SYNE2: variants seen among roughly 807,000 people sequenced by gnomAD.
SYNE2 encodes nesprin-2.
In SYNE2, 431 loss-of-function variants were observed where a neutral mutation model predicts 856.3. The ratio of observed to expected loss-of-function variants is 0.50; its 90% confidence interval spans 0.47 to 0.55. SYNE2 has a LOEUF of 0.55. Among genes scored for constraint, SYNE2 ranks in the 20% least tolerant of loss-of-function variants. SYNE2 has a pLI of 0.00. For missense variants in SYNE2, 8,129 were observed against 8,023.2 expected (o/e 1.01, Z -0.50); for synonymous variants, 2,923 against 2,872.3 (o/e 1.02, Z -0.56).
intron 14 of SYNE2, 58 bp from the exon 15 acceptor site, chr14:63,980,596 T>G: frequency 8.2e-7 from 1 of 1,221,062 alleles, no homozygotes; most frequent in Non-Finnish European, 1.2e-6. Flanking sequence ...ACTATCTGGA[T>G]TTCTTGGCAC....
intron 104 of SYNE2, 33 bp from the exon 105 acceptor site, chr14:64,212,778 C>G (rs755302759): frequency 4.3e-6 from 7 of 1,609,530 alleles, no homozygotes; most frequent in African/African-American, 4.0e-5. Flanking sequence ...GGGTAACTTT[C>G]TTTGAAATCC....
chr14:63,999,671 T>A (rs531308266), intron 27 of SYNE2, among the ~76,000 whole-genome samples: 2 of 152,332 alleles, frequency 1.3e-5, no homozygotes, highest in East Asian at 3.9e-4. Flanking sequence ...ATAATATCTT[T>A]CCTATTAAAG....
chr14:63,960,914 G>A (rs2096305036), intron 8 of SYNE2: 2 of 563,352 alleles, frequency 3.6e-6, no homozygotes, highest in Non-Finnish European at 3.2e-6. Context: ...AGATTTTGTA[G>A]TCTTTAAAAT....
At chr14:63,946,060 C>T (rs2096021429) in intron 6 of SYNE2, among the ~76,000 whole-genome samples, 2 of 152,128 alleles carry the variant, frequency 1.3e-5, no homozygotes, top group South Asian at 4.1e-4. Flanking sequence ...ATCCCTGTTG[C>T]TAATACTTGG....
At chr14:63,784,346 A>T (rs1887433656) in intron 1 of SYNE2, among the ~76,000 whole-genome samples, 1 of 151,822 alleles carries the variant, frequency 6.6e-6, no homozygotes, top group Non-Finnish European at 1.5e-5. Context: ...AAAATACAAA[A>T]ATTAGTTGGG....
At position 64,190,178 on chromosome 14, in the gene SYNE2, T is replaced by TG; in HGVS notation, c.17980dup (p.Asp5994GlyfsTer7). On this transcript the variant is annotated frameshift_variant, in exon 99 of 116. Coordinates refer to ENST00000555002, the MANE Select transcript of SYNE2 (RefSeq NM_182914.3). LOFTEE classifies it high-confidence loss of function. ...ACAAATCAAGAGCAGCTGAGATCGA[T>TG]GACAAGCTCAACAAAATTAACGATC... The TG allele has an allele frequency of 6.2e-7, 1 of 1,614,110 alleles. No homozygotes were observed.
chr14:63,998,074 A>G, intron 25 of SYNE2, 145 bp from the exon 26 acceptor site: 1 of 704,106 alleles, frequency 1.4e-6, no homozygotes, highest in South Asian at 1.6e-5. Context: ...CTTTTCTCTG[A>G]GCTGAGACAT....
chr14:64,125,552 C>T (rs376901823), intron 71 of SYNE2, among the ~76,000 whole-genome samples: 2 of 152,066 alleles, frequency 1.3e-5, no homozygotes, highest in African/African-American at 4.8e-5. Flanking sequence ...AGACTTAATA[C>T]TGAGGTAATT....
intron 1 of SYNE2, among the ~76,000 whole-genome samples, chr14:63,866,087 C>G (rs554685425): frequency 1.1e-4 from 17 of 152,178 alleles, no homozygotes; most frequent in African/African-American, 4.1e-4. Flanking sequence ...CTGATATGTC[C>G]TCAGCCCCCA....
chr14:64,181,088 CTTT>C (rs997274231), intron 96 of SYNE2, among the ~76,000 whole-genome samples: 1 of 151,506 alleles, frequency 6.6e-6, no homozygotes, highest in Non-Finnish European at 1.5e-5. Flanking sequence ...TTTGTTTCTT[CTTT>C]TTAATATACT....
intron 99 of SYNE2, among the ~76,000 whole-genome samples, chr14:64,200,238 T>G (rs1267212995): frequency 6.6e-6 from 1 of 151,978 alleles, no homozygotes. Flanking sequence ...ATTCTTAGGG[T>G]GGAATAGGGT....
At position 64,218,444 on chromosome 14, in the gene SYNE2, C is replaced by G; in HGVS notation, c.19589C>G (p.Pro6530Arg). 4 of 1,614,064 alleles carry G rather than the reference C, an allele frequency of 2.5e-6. No homozygotes were observed. The highest frequency in any genetic ancestry group is 1.3e-5 in the African/African-American group (1 of 75,032). The change falls in exon 109 of 116, where the codon CCG becomes CGG. Residue 6530 changes from proline to arginine, a missense_variant. Coordinates refer to ENST00000555002, the MANE Select transcript of SYNE2 (RefSeq NM_182914.3). ...PPGTDGGKEG[P>R]RVLNGNPQQE... is the part of the protein sequence containing the mutation. Reference sequence around the variant, plus strand: ...GGCACGGATGGTGGCAAAGAAGGCCCGCGAGTCCTGAATGGCAACCCACAG... The same window carrying G: ...GGCACGGATGGTGGCAAAGAAGGCCGGCGAGTCCTGAATGGCAACCCACAG...
At chr14:63,800,620 G>C (rs573753331) in intron 1 of SYNE2, among the ~76,000 whole-genome samples, 1 of 152,132 alleles carries the variant, frequency 6.6e-6, no homozygotes, top group South Asian at 2.1e-4. Flanking sequence ...AAACTAGAAT[G>C]TTTTGTAGCC....
chr14:64,120,760 T>G (rs2097892241), intron 67 of SYNE2, among the ~76,000 whole-genome samples, 167 bp from the exon 68 acceptor site: 1 of 151,948 alleles, frequency 6.6e-6, no homozygotes, highest in Admixed American at 6.6e-5. Context: ...CGAAACTCCA[T>G]CTCAAAAAAC....
chr14:63,925,247 A>T (rs1331140049), intron 2 of SYNE2, among the ~76,000 whole-genome samples: 1 of 152,212 alleles, frequency 6.6e-6, no homozygotes, highest in Non-Finnish European at 1.5e-5. Flanking sequence ...GCTTGAGCCC[A>T]GGAGGCAGAG....
At chr14:63,952,335 G>A (rs985699309) in intron 7 of SYNE2, among the ~76,000 whole-genome samples, 2 of 152,156 alleles carry the variant, frequency 1.3e-5, no homozygotes, top group African/African-American at 4.8e-5. Context: ...AGCTGCAGCC[G>A]CCATCCTTTA....
Position 63,873,100 on chromosome 14 carries a change from A to G in SYNE2, c.-52+19957A>G, listed in dbSNP as rs117470926. Among the ~76,000 whole-genome samples, 1,041 of 152,312 alleles carry G rather than the reference A, an allele frequency of 6.8e-3. 11 individuals carry two copies. Among genetic ancestry groups the G allele is most frequent in the Non-Finnish European group, 9.7e-3 (660 of 68,032 alleles). ...TGTAGTTTTCTGGAAACAGTTACTC[A>G]TTAACATGCACATAAACCACATAAT... is the stretch of plus-strand genomic sequence containing the variant. On this transcript the variant is annotated intron_variant, in intron 1 of 115. Transcript: ENST00000555002.
intron 99 of SYNE2, chr14:64,190,837 C>T (rs755950819): frequency 1.7e-5 from 12 of 688,024 alleles, no homozygotes; most frequent in Middle Eastern, 2.3e-4. Flanking sequence ...TCAGAAATAG[C>T]GCTGATAATT....
At chr14:63,885,376 T>C (rs931289924) in intron 1 of SYNE2, among the ~76,000 whole-genome samples, 2 of 152,190 alleles carry the variant, frequency 1.3e-5, no homozygotes, top group Non-Finnish European at 1.5e-5. Context: ...TCCCTTGATG[T>C]GCTTAGGTCT....
Sources: allele counts gnomAD v4.1 joint callset (sites outside exome capture counted in the v4.1 genomes callset), GRCh38; gene constraint gnomAD v4.1.1; transcripts MANE v1.5; gene names NCBI Gene and HGNC (gene_info 2026-07-23, HGNC 2026-07-21).